The following FLII variants were observed in gnomAD, a reference collection of about 807,000 sequenced individuals.
FLII encodes FLII actin remodeling protein, also known as protein flightless-1 homolog.
FLII carries 101 observed loss-of-function variants against 156.2 expected under a neutral mutation model. The observed-to-expected ratio is 0.65, with a 90% CI of 0.55 to 0.76. The LOEUF (loss-of-function observed/expected upper bound fraction) is 0.76, where lower values mean the gene tolerates loss of function less well. Ranked by LOEUF, FLII falls within the 30% of genes least tolerant of loss-of-function variation. The pLI is 0.00. For synonymous variants in FLII, 767 were observed against 685.8 expected, an observed-to-expected ratio of 1.12 and a Z score of -1.85; for missense variants, 1,675 against 1,682.8, an observed-to-expected ratio of 1.00 and a Z score of 0.08.
rs2048104489 is a variant in FLII at position 18,247,231 on chromosome 17, GGTCT to G, written c.2610_2613del (p.Lys870AsnfsTer3). The G allele has an allele frequency of 6.2e-7, 1 of 1,602,600 alleles. No homozygotes were observed. Among genetic ancestry groups the G allele is most frequent in the African/African-American group, 1.3e-5 (1 of 74,352 alleles). On this transcript the variant is annotated frameshift_variant, in exon 21 of 30. Coordinates refer to ENST00000327031, the MANE Select transcript of FLII (RefSeq NM_002018.4). LOFTEE classifies it high-confidence loss of function. ...AGCGCAGTGAGGTCAGCCTTCATCT[GGTCT>G]TTCTTCTCGGCGTCGCGTTTCACCT...
chr17:18,247,436 G>T (rs949934942), intron 20 of FLII, 79 bp from the exon 21 acceptor site: 3 of 1,369,122 alleles, frequency 2.2e-6, no homozygotes, highest in African/African-American at 2.9e-5. Context: ...GCTTGAGGCG[G>T]GACCCAAGGG....
At chr17:18,248,411 T>A in intron 18 of FLII, 139 bp downstream of exon 18, 1 of 741,612 alleles carries the variant, frequency 1.3e-6, no homozygotes, top group Non-Finnish European at 2.2e-6. Context: ...GCTCATACTG[T>A]TCCTTGTCCA....
At chr17:18,256,275 A>G (rs1194388267) in intron 3 of FLII, among the ~76,000 whole-genome samples, 1 of 152,282 alleles carries the variant, frequency 6.6e-6, no homozygotes, top group African/African-American at 2.4e-5. Flanking sequence ...GTTATTGTCC[A>G]TAACGGCTGG....
In FLII at chr17:18,246,202, T is replaced by C. The variant is rs748374225; in HGVS notation, c.3227A>G (p.Asp1076Gly). Residue 1076 changes from aspartate (D) to glycine (G), a missense_variant, in exon 25 of 30, where the codon GAC becomes GGC. Asp to Gly is a moderately conservative substitution (Grantham distance 94). This residue lies in a region of FLII where 1,332 missense variants were observed against 1,269.3 expected (regional missense o/e 1.05). Coordinates refer to ENST00000327031, the MANE Select transcript of FLII (RefSeq NM_002018.4). ...LCTRCIQINT[D>G]SSLLNSEFCF... ...GAACTCGGAGTTGAGGAGGCTGGAG[T>C]CGGTGTTGATCTGGATGCACCTGTG... The C allele has an allele frequency of 1.2e-6, 2 of 1,613,102 alleles. No homozygotes were observed. Among genetic ancestry groups the C allele is most frequent in the East Asian group, 4.5e-5 (2 of 44,816 alleles).
intron 17 of FLII, 23 bp from the exon 18 acceptor site, chr17:18,248,744 T>G (rs1217087148): frequency 6.2e-7 from 1 of 1,613,988 alleles, no homozygotes; most frequent in Non-Finnish European, 8.5e-7. Context: ...TGCAAAGTCA[T>G]CAGCGAGGCT....
chr17:18,256,722 T>C, intron 2 of FLII, 125 bp from the exon 3 acceptor site: 2 of 889,222 alleles, frequency 2.2e-6, no homozygotes, highest in Non-Finnish European at 3.6e-6. Flanking sequence ...CCCCTGCAGC[T>C]TCCCTCCCTC....
At chr17:18,249,966 C>T (rs2048209415) in intron 14 of FLII, among the ~76,000 whole-genome samples, 1 of 151,690 alleles carries the variant, frequency 6.6e-6, no homozygotes, top group Non-Finnish European at 1.5e-5. Flanking sequence ...TAAAAAAATA[C>T]AAAAATTAGC....
Position 18,251,370 on chromosome 17 carries a change from C to T in FLII, c.1491G>A (p.Gln497=), listed in dbSNP as rs539046103. 5.0e-6 allele frequency: 8 copies of T among 1,613,760 alleles called. No homozygotes were observed. In the African/African-American group the frequency reaches 1.1e-4, roughly 21 times the overall value. The part of the protein sequence containing the change: ...YSEFFTEDVG[Q]LPGLTIWQIE... ...TCTGCCAGATGGTCAGTCCGGGCAGCTGGCCCACGTCCTCCGTGAAGAACT... is the reference window on the plus strand; with the variant it reads ...TCTGCCAGATGGTCAGTCCGGGCAGTTGGCCCACGTCCTCCGTGAAGAACT... The change falls in exon 13 of 30, where the codon CAG becomes CAA. Residue 497 remains glutamine (Q), a synonymous_variant. Transcript: ENST00000327031.
In FLII at chr17:18,245,776, ATCG is replaced by A; in HGVS notation, c.3468_3470del (p.Asp1157del). The stretch of plus-strand genomic sequence containing the variant: ...GACGTGTGTGTTTCATGTACTCGGC[ATCG>A]TCATCATAGGGCTTCTGTGCCCCAA... On this transcript the variant is annotated inframe_deletion, in exon 27 of 30. Coordinates refer to ENST00000327031, the MANE Select transcript of FLII (RefSeq NM_002018.4). The A allele has an allele frequency of 6.2e-7, 1 of 1,613,988 alleles. No individual in the cohort carries two copies. Among genetic ancestry groups the A allele is most frequent in the Non-Finnish European group, 8.5e-7 (1 of 1,179,988 alleles).
intron 10 of FLII, 106 bp from the exon 11 acceptor site, chr17:18,252,252 A>G (rs1049283712): frequency 2.6e-6 from 3 of 1,140,850 alleles, no homozygotes; most frequent in Admixed American, 2.0e-5. Flanking sequence ...CTGAGAGGTC[A>G]GGGAACTGGG....
chr17:18,246,309 G>A lies in FLII; in HGVS notation c.3205C>T (p.Arg1069Trp), dbSNP rs1159515798. Residue 1069 changes from arginine (R) to tryptophan (W), a missense_variant and splice_region_variant, in exon 24 of 30, where the codon CGG (arginine) becomes TGG (tryptophan). Transcript: ENST00000327031. ...CTGCGTCCTCCCCCAGCCAGGCACC[G>A]GGTGCAGAGGGCGCTGCCGTTGGTG... ...IRTNGSALCT[R>W]CIQINTDSSL... The A allele has an allele frequency of 5.6e-6, 9 of 1,613,694 alleles. No individual in the cohort carries two copies. The highest frequency in any genetic ancestry group is 7.6e-6 in the Non-Finnish European group (9 of 1,180,038).
At chr17:18,256,758 C>A in intron 2 of FLII, 151 bp downstream of exon 2, 1 of 781,876 alleles carries the variant, frequency 1.3e-6, no homozygotes, top group Admixed American at 2.2e-5. Flanking sequence ...TCTTGCACAC[C>A]TCCCTGGACA....
Position 18,247,315 on chromosome 17 carries a change from C to T in FLII, c.2530G>A (p.Val844Met). 1 of 1,610,300 alleles carries T rather than the reference C, an allele frequency of 6.2e-7. No individual in the cohort carries two copies. Among genetic ancestry groups the T allele is most frequent in the Non-Finnish European group, 8.5e-7 (1 of 1,178,924 alleles). The change falls in exon 21 of 30, where the codon GTG becomes ATG. Residue 844 changes from valine to methionine, a missense_variant. Around this residue, in one of 2 missense-constraint regions of FLII, gnomAD observed 1,332 missense variants for 1,269.3 expected, o/e 1.05. Coordinates refer to ENST00000327031, the MANE Select transcript of FLII (RefSeq NM_002018.4). The part of the protein sequence containing the change: ...KFKNWDDVLT[V>M]DYTRNAEAVL... ...GCCTCCGCATTGCGTGTGTAGTCCA[C>T]CGTCAACACATCGTCCCAATTCTTG...
At position 18,247,207 on chromosome 17, in the gene FLII, G is replaced by C. The variant is rs758208799; in HGVS notation, c.2638C>G (p.Leu880Val). The part of the protein sequence containing the change: ...KDQMKADLTA[L>V]FLPRQPPMSL... The stretch of plus-strand genomic sequence containing the variant: ...ATGGGCGGCTGCCGCGGCAGGAAAA[G>C]CGCAGTGAGGTCAGCCTTCATCTGG... Residue 880 changes from leucine to valine, a missense_variant, in exon 21 of 30, where the codon CTT becomes GTT. Physicochemically the swap from Leu to Val is conservative, Grantham distance 32. This residue lies in a region of FLII where 1,332 missense variants were observed against 1,269.3 expected (regional missense o/e 1.05). Transcript: ENST00000327031. 4 of 1,581,244 alleles carry C rather than the reference G, an allele frequency of 2.5e-6. No homozygotes were observed. Among genetic ancestry groups the C allele is most frequent in the African/African-American group, 2.8e-5 (2 of 71,908 alleles).
chr17:18,256,159 G>A (rs1399737336), intron 3 of FLII, among the ~76,000 whole-genome samples: 2 of 152,202 alleles, frequency 1.3e-5, no homozygotes, highest in African/African-American at 4.8e-5. Context: ...CTGCCTTGGT[G>A]GCCAAGTTTC....
At chr17:18,255,559 T>C (rs1036111094) in intron 3 of FLII, among the ~76,000 whole-genome samples, 1 of 152,002 alleles carries the variant, frequency 6.6e-6, no homozygotes, top group Non-Finnish European at 1.5e-5. Flanking sequence ...GAAGGTGAGA[T>C]AGGGGTAAGG....
At chr17:18,248,991 G>T in intron 16 of FLII, 108 bp from the exon 17 acceptor site, 2 of 1,387,068 alleles carry the variant, frequency 1.4e-6, no homozygotes, top group Non-Finnish European at 1.0e-6. Flanking sequence ...TTCTGGGTAA[G>T]CCCCAGGGAC....
In FLII at chr17:18,245,154, C is replaced by G. The variant is rs1266112262; in HGVS notation, c.3794G>C (p.Cys1265Ser). Residue 1265 changes from cysteine to serine, a missense_variant, in exon 30 of 30, where the codon TGC becomes TCC. Cys to Ser is a moderately radical substitution (Grantham distance 112). Coordinates refer to ENST00000327031, the MANE Select transcript of FLII (RefSeq NM_002018.4). ...TRCFHAWSAF[C>S]KALA ...CAGCCTGTCTTAGGCCAGGGCCTTG[C>G]AGAAGGCGCTCCAGGCGTGGAAGCA... The G allele has an allele frequency of 3.1e-6, 5 of 1,613,160 alleles. No homozygotes were observed. Among genetic ancestry groups the G allele is most frequent in the East Asian group, 4.5e-5 (2 of 44,854 alleles).
Position 18,258,433 on chromosome 17 carries a change from C to T in FLII, c.63+195G>A. On this transcript the variant is annotated intron_variant, in intron 1 of 29. Transcript: ENST00000327031. This position sits in a 1 kb window ranked among gnomAD's most constrained non-coding sequence, Gnocchi z 4.2. ...CGTCCGTCCCCGGCCTGCCCAGCCT[C>T]GGTCTCCCCGTACAGGCACTGGGCG... The T allele has an allele frequency of 6.8e-7, 1 of 1,480,434 alleles. No individual in the cohort carries two copies. The allele number at this position is 1,480,434 out of a possible 1,614,324, so 91.7% of individuals were successfully genotyped here.
Sources: gnomAD v4.1 joint callset for allele counts (sites outside exome capture counted in the v4.1 genomes callset) on GRCh38, gnomAD v4.1.1 for gene constraint, gnomAD v4.1.1 regional missense constraint, Gnocchi (gnomAD v3.1) non-coding constraint, MANE v1.5 for transcripts, NCBI Gene and HGNC (gene_info 2026-07-23, HGNC 2026-07-21) for gene names.